Variants in SLC1A1 observed in about 807,000 individuals in gnomAD.
SLC1A1 encodes the protein excitatory amino acid transporter 3.
Under a neutral mutation model 53.3 loss-of-function variants are expected in SLC1A1, and 43 were observed. That is an observed-to-expected ratio of 0.81 (90% CI 0.63 to 1.04). SLC1A1 has a LOEUF of 1.04. Among genes scored for constraint, SLC1A1 ranks in the 50% least tolerant of loss-of-function variants. The pLI, the probability that SLC1A1 is intolerant of heterozygous loss-of-function variation, is 0.00. For missense variants in SLC1A1, 748 were observed against 664.9 expected (o/e 1.12, Z -1.37); for synonymous variants, 307 against 243.2 (o/e 1.26, Z -2.44).
rs199960090 is a variant in SLC1A1, at chr9:4,536,784, C to G, written c.92-7783C>G. ...CATTATTCACAATAGCAAAGACTTG[C>G]AACCAAGCCAAATGTCCAACAATGA... On this transcript the variant is annotated intron_variant, in intron 1 of 11. Coordinates refer to ENST00000262352, the MANE Select transcript of SLC1A1 (RefSeq NM_004170.6). 3.1e-3 allele frequency among the ~76,000 whole-genome samples: 466 copies of G among 152,192 alleles called. 3 individuals are homozygous for G. Among genetic ancestry groups the G allele is most frequent in the African/African-American group, 0.01 (432 of 41,544 alleles).
intron 1 of SLC1A1, among the ~76,000 whole-genome samples, chr9:4,518,802 A>G (rs1298732164): frequency 1.3e-5 from 2 of 152,184 alleles, no homozygotes; most frequent in Non-Finnish European, 2.9e-5. Flanking sequence ...ACAGGGAAGG[A>G]AGAAAGAAGA....
At chr9:4,496,649 C>G (rs935238207) in intron 1 of SLC1A1, among the ~76,000 whole-genome samples, 1 of 151,224 alleles carries the variant, frequency 6.6e-6, no homozygotes, top group Non-Finnish European at 1.5e-5. Context: ...AATCCCAGCA[C>G]TTTGGGAGGT....
At chr9:4,518,308 G>C (rs1299937225) in intron 1 of SLC1A1, among the ~76,000 whole-genome samples, 1 of 150,194 alleles carries the variant, frequency 6.7e-6, no homozygotes. Flanking sequence ...TGACCAAGGA[G>C]GTGTTACTTC....
At chr9:4,579,901 GA>G (rs201517562) in intron 10 of SLC1A1, among the ~76,000 whole-genome samples, 68 of 149,610 alleles carry the variant, frequency 4.5e-4, no homozygotes, top group African/African-American at 1.6e-3. Context: ...TGTCAAAATG[GA>G]AAAAAAAAGG....
chr9:4,493,708 G>C (rs1273591896), intron 1 of SLC1A1, among the ~76,000 whole-genome samples: 1 of 152,164 alleles, frequency 6.6e-6, no homozygotes, highest in Non-Finnish European at 1.5e-5. Flanking sequence ...TTTGAGACCA[G>C]CCTGATCTCA....
intron 11 of SLC1A1, 110 bp from the exon 12 acceptor site, chr9:4,585,202 T>G (rs1280359886): frequency 1.4e-6 from 2 of 1,457,130 alleles, no homozygotes; most frequent in Non-Finnish European, 1.9e-6. Flanking sequence ...GGACAGCACT[T>G]TCTGCACTTA....
In SLC1A1 at chr9:4,576,664, T is replaced by G; in HGVS notation, c.1094T>G (p.Ile365Ser). The G allele has an allele frequency of 6.2e-7, 1 of 1,614,124 alleles. No individual in the cohort carries two copies. The highest frequency in any genetic ancestry group is 1.1e-5 in the South Asian group (1 of 91,078). The change falls in exon 10 of 12, where the codon ATC becomes AGC. Residue 365 changes from isoleucine (I) to serine (S), a missense_variant. Transcript: ENST00000262352. ...TTCGTGTTACCCGTTGGTGCAACAA[T>G]CAACATGGATGGGACTGCGCTCTAT... Reference protein sequence around the residue: ...TRFVLPVGATINMDGTALYEA... With the variant: ...TRFVLPVGATSNMDGTALYEA...
At chr9:4,532,081 G>A (rs1448860699) in intron 1 of SLC1A1, among the ~76,000 whole-genome samples, 2 of 152,064 alleles carry the variant, frequency 1.3e-5, no homozygotes, top group Non-Finnish European at 1.5e-5. Flanking sequence ...AAGACCAAAG[G>A]TAGATAAAAC....
At chr9:4,492,801 G>GAA (rs34631013) in intron 1 of SLC1A1, among the ~76,000 whole-genome samples, 18 of 141,304 alleles carry the variant, frequency 1.3e-4, no homozygotes, top group East Asian at 4.1e-4. Flanking sequence ...TGTCTAAAAA[G>GAA]AAAAAAAAAA....
intron 1 of SLC1A1, among the ~76,000 whole-genome samples, chr9:4,531,239 G>A (rs554062170): frequency 2.2e-4 from 33 of 152,358 alleles, no homozygotes; most frequent in African/African-American, 7.2e-4. Flanking sequence ...CACCGTGCGT[G>A]AGCCGAAGCA....
chr9:4,523,831 T>C (rs1816168169), intron 1 of SLC1A1, among the ~76,000 whole-genome samples: 2 of 152,184 alleles, frequency 1.3e-5, no homozygotes, highest in Admixed American at 1.3e-4. Flanking sequence ...GTTCTTCCCA[T>C]TGTTATAGGT....
At chr9:4,550,464 C>A (rs965188224) in intron 2 of SLC1A1, among the ~76,000 whole-genome samples, 1 of 152,144 alleles carries the variant, frequency 6.6e-6, no homozygotes. Flanking sequence ...CAGTATAGCT[C>A]ACTGTAGTCT....
In SLC1A1 at chr9:4,549,663, A is replaced by T. The variant is rs1295752742; in HGVS notation, c.232+4956A>T. On this transcript the variant is annotated intron_variant, in intron 2 of 11. Coordinates refer to ENST00000262352, the MANE Select transcript of SLC1A1 (RefSeq NM_004170.6). This position sits in a 1 kb window ranked among gnomAD's most constrained non-coding sequence, Gnocchi z 4.1. ...GGCCATCCTGTCCTGACCTGGAGTG[A>T]CCTCTTCCTGGGATGCTTGCCATTG... 6.6e-6 allele frequency among the ~76,000 whole-genome samples: 1 copy of T among 152,066 alleles called. No homozygotes were observed. Among genetic ancestry groups the T allele is most frequent in the Non-Finnish European group, 1.5e-5 (1 of 68,014 alleles).
At chr9:4,558,720 T>C (rs1332685831) in intron 2 of SLC1A1, among the ~76,000 whole-genome samples, 1 of 152,182 alleles carries the variant, frequency 6.6e-6, no homozygotes, top group African/African-American at 2.4e-5. Flanking sequence ...AAGAAAATCC[T>C]GAGAGAGTAC....
chr9:4,506,802 T>C (rs76088072), intron 1 of SLC1A1, among the ~76,000 whole-genome samples: 2,323 of 152,242 alleles, frequency 0.015, 58 homozygotes, highest in African/African-American at 0.053. Context: ...TCACAGTGTG[T>C]GGAGTATGCA....
In SLC1A1 at chr9:4,585,424, A is replaced by G; in HGVS notation, c.1441A>G (p.Ile481Val). ...GATGGATGTTTCATCTGAAGTCAAC[A>G]TTGTGAATCCCTTTGCCTTGGAATC... ...EQMDVSSEVN[I>V]VNPFALESTI... The change falls in exon 12 of 12, where the codon ATT (isoleucine) becomes GTT (valine). Residue 481 changes from isoleucine to valine, a missense_variant. Coordinates refer to ENST00000262352, the MANE Select transcript of SLC1A1 (RefSeq NM_004170.6). The G allele has an allele frequency of 1.2e-6, 2 of 1,614,240 alleles. No individual in the cohort carries two copies. The highest frequency in any genetic ancestry group is 1.7e-6 in the Non-Finnish European group (2 of 1,180,040).
chr9:4,567,551 T>G, intron 5 of SLC1A1, 118 bp from the exon 6 acceptor site: 1 of 710,722 alleles, frequency 1.4e-6, no homozygotes. Flanking sequence ...AGGCATTGGA[T>G]GTAGATCCCT....
intron 1 of SLC1A1, among the ~76,000 whole-genome samples, chr9:4,528,074 T>C (rs1816326824): frequency 6.6e-6 from 1 of 152,142 alleles, no homozygotes; most frequent in Admixed American, 6.5e-5. Context: ...TAGTGTAGCT[T>C]CTGTTATGCC....
At chr9:4,564,278 G>C in intron 3 of SLC1A1, 66 bp from the exon 4 acceptor site, 1 of 1,069,524 alleles carries the variant, frequency 9.3e-7, no homozygotes, top group Non-Finnish European at 1.4e-6. Context: ...TTGTTCTAAA[G>C]GTGCCAGCTG....
Sources: gnomAD v4.1 joint callset for allele counts (sites outside exome capture counted in the v4.1 genomes callset) on GRCh38, gnomAD v4.1.1 for gene constraint, Gnocchi (gnomAD v3.1) non-coding constraint, MANE v1.5 for transcripts, NCBI Gene and HGNC (gene_info 2026-07-23, HGNC 2026-07-21) for gene names.